FNTA: variants seen among roughly 807,000 people sequenced by gnomAD.
The protein encoded by FNTA is farnesyltransferase, CAAX box, subunit alpha, also known as protein farnesyltransferase/geranylgeranyltransferase type-1 subunit alpha.
FNTA carries 27 observed loss-of-function variants against 55.2 expected under a neutral mutation model. The observed-to-expected ratio is 0.49, with a 90% CI of 0.36 to 0.67. The LOEUF (loss-of-function observed/expected upper bound fraction) is 0.67, where lower values mean the gene tolerates loss of function less well. FNTA is among the 30% of genes least tolerant of loss of function. The pLI is 0.00. For missense variants in FNTA, 422 were observed against 464.7 expected (o/e 0.91, Z 0.85); for synonymous variants, 176 against 170.7 (o/e 1.03, Z -0.24).
chr8:43,074,017 T>G (rs569527071), intron 5 of FNTA, among the ~76,000 whole-genome samples: 1 of 152,314 alleles, frequency 6.6e-6, no homozygotes. Flanking sequence ...GACATATATA[T>G]TAAAAACGTG....
chr8:43,063,955 G>A (rs1016232427), intron 2 of FNTA, 146 bp from the exon 3 acceptor site: 14 of 595,000 alleles, frequency 2.4e-5, no homozygotes, highest in Non-Finnish European at 3.3e-5. Context: ...TTAGGGTGGC[G>A]GCCACAGCCA....
At chr8:43,082,611 T>C (rs986967992) in intron 6 of FNTA, 1 of 152,234 alleles carries the variant, frequency 6.6e-6, no homozygotes, top group Non-Finnish European at 1.5e-5. Context: ...ATTAGTTTTG[T>C]GTCCTTCCCT....
chr8:43,065,578 C>T (rs894714631), intron 3 of FNTA, among the ~76,000 whole-genome samples: 1 of 147,174 alleles, frequency 6.8e-6, no homozygotes, highest in Admixed American at 6.6e-5. Flanking sequence ...TAATGACATT[C>T]CCTCTAACAG....
At chr8:43,078,294 C>T (rs778996066) in intron 6 of FNTA, 1 of 152,044 alleles carries the variant, frequency 6.6e-6, no homozygotes, top group Non-Finnish European at 1.5e-5. Context: ...TAAAGCTGTA[C>T]AGGCATACCT....
rs759359519 is a variant in FNTA at position 43,072,341 on chromosome 8, T to A, written c.633+34T>A. On this transcript the variant is annotated intron_variant, in intron 5 of 8. Transcript: ENST00000302279. The stretch of plus-strand genomic sequence containing the variant: ...TTTCTTGTACAGTGTTTTTCAGATT[T>A]TTTTTTTAACTGAACTAAATAAAAT... The A allele has an allele frequency of 2.0e-6, 3 of 1,464,724 alleles. No homozygotes were observed. In the South Asian group the frequency reaches 4.2e-5, roughly 21 times the overall value. The allele number at this position is 1,464,724 out of a possible 1,614,324, so 90.7% of individuals were successfully genotyped here.
intron 7 of FNTA, among the ~76,000 whole-genome samples, chr8:43,084,324 A>G (rs1181468290): frequency 6.8e-6 from 1 of 146,098 alleles, no homozygotes; most frequent in East Asian, 2.0e-4. Flanking sequence ...GGCTCTAGTG[A>G]TTCTCCCACC....
chr8:43,062,194 T>C (rs1161475741), intron 2 of FNTA, among the ~76,000 whole-genome samples: 1 of 151,846 alleles, frequency 6.6e-6, no homozygotes, highest in Non-Finnish European at 1.5e-5. Context: ...TGTGTGTGTG[T>C]GTGTGTGTAA....
intron 3 of FNTA, among the ~76,000 whole-genome samples, chr8:43,068,729 T>C (rs773414811): frequency 6.6e-6 from 1 of 152,224 alleles, no homozygotes; most frequent in South Asian, 2.1e-4. Flanking sequence ...TTTTTCTTTT[T>C]GAGACAGAGT....
At chr8:43,083,313 G>T in intron 7 of FNTA, 133 bp downstream of exon 7, 1 of 560,100 alleles carries the variant, frequency 1.8e-6, no homozygotes, top group Non-Finnish European at 3.2e-6. Flanking sequence ...AAGAGCAGAA[G>T]TATAACAGCA....
intron 5 of FNTA, chr8:43,073,387 G>A (rs919817468): frequency 2.6e-5 from 4 of 152,122 alleles, no homozygotes; most frequent in Non-Finnish European, 5.9e-5. Flanking sequence ...TAAAAGGTTC[G>A]TATGAGAAAG....
intron 4 of FNTA, among the ~76,000 whole-genome samples, chr8:43,071,726 T>G (rs1439472808): frequency 6.6e-6 from 1 of 151,614 alleles, no homozygotes; most frequent in Admixed American, 6.6e-5. Context: ...AAAACTCCTC[T>G]GTTGACAACT....
At chr8:43,060,269 A>T (rs922444424) in intron 2 of FNTA, among the ~76,000 whole-genome samples, 1 of 152,264 alleles carries the variant, frequency 6.6e-6, no homozygotes, top group Admixed American at 6.5e-5. Flanking sequence ...TCAGAGAAAT[A>T]TAAACCATAA....
At chr8:43,072,628 G>C (rs534116586) in intron 5 of FNTA, among the ~76,000 whole-genome samples, 1 of 152,122 alleles carries the variant, frequency 6.6e-6, no homozygotes, top group Admixed American at 6.5e-5. Context: ...TTGGGAGGCT[G>C]AGGCAGGAGG....
intron 6 of FNTA, 71 bp from the exon 7 acceptor site, chr8:43,083,047 G>GAAAA: frequency 5.8e-5 from 46 of 799,712 alleles, no homozygotes; most frequent in East Asian, 6.7e-5. Flanking sequence ...CTCCGTTTCA[G>GAAAA]AAAAAAAAAA....
chr8:43,068,951 A>T (rs1457844295), intron 3 of FNTA, among the ~76,000 whole-genome samples: 1 of 152,082 alleles, frequency 6.6e-6, no homozygotes, highest in African/African-American at 2.4e-5. Flanking sequence ...ACCTCAGGTG[A>T]CCCACCTGCC....
At chr8:43,062,526 C>G (rs1237163366) in intron 2 of FNTA, among the ~76,000 whole-genome samples, 1 of 152,138 alleles carries the variant, frequency 6.6e-6, no homozygotes, top group Admixed American at 6.5e-5. Context: ...AAGTGATCCT[C>G]CCACCTCGGC....
intron 1 of FNTA, 59 bp downstream of exon 1, chr8:43,056,605 G>C (rs1437725849): frequency 8.8e-7 from 1 of 1,131,340 alleles, no homozygotes; most frequent in African/African-American, 1.6e-5. Context: ...GCGGCCCCAA[G>C]ACCCGCGGCG....
At chr8:43,084,446 T>C (rs764491483) in intron 7 of FNTA, among the ~76,000 whole-genome samples, 10 of 152,132 alleles carry the variant, frequency 6.6e-5, no homozygotes, top group Non-Finnish European at 1.0e-4. Context: ...GGTCTTGAAC[T>C]CCTGGGTTCA....
intron 5 of FNTA, among the ~76,000 whole-genome samples, chr8:43,073,101 A>G (rs1231029303): frequency 1.3e-5 from 2 of 152,174 alleles, no homozygotes; most frequent in African/African-American, 4.8e-5. Context: ...AATTTTTTCC[A>G]GGGATTGCTA....
Sources: allele counts gnomAD v4.1 joint callset (sites outside exome capture counted in the v4.1 genomes callset), GRCh38; gene constraint gnomAD v4.1.1; transcripts MANE v1.5; gene names NCBI Gene and HGNC (gene_info 2026-07-23, HGNC 2026-07-21).